LRRTM4: variants seen among roughly 807,000 people sequenced by gnomAD.
LRRTM4 encodes leucine rich repeat transmembrane neuronal 4.
Under a neutral mutation model 47.6 loss-of-function variants are expected in LRRTM4, and 25 were observed. The ratio of observed to expected loss-of-function variants is 0.53; its 90% CI spans 0.38 to 0.73. The LOEUF (loss-of-function observed/expected upper bound fraction) is 0.73, where lower values mean the gene tolerates loss of function less well. Ranked by LOEUF, LRRTM4 falls within the 30% of genes least tolerant of loss-of-function variation. The pLI is 0.00. For synonymous variants in LRRTM4, 311 were observed against 269.5 expected, an observed-to-expected ratio of 1.15 and a Z score of -1.51; for missense variants, 638 against 713.4, an observed-to-expected ratio of 0.89 and a Z score of 1.20.
intron 3 of LRRTM4, among the ~76,000 whole-genome samples, chr2:77,427,684 G>C (rs1180528949): frequency 6.6e-6 from 1 of 152,122 alleles, no homozygotes; most frequent in Admixed American, 6.5e-5. Context: ...CCATCAGCTG[G>C]CCATAGGGAA....
At chr2:77,312,026 G>A (rs1405397421) in intron 3 of LRRTM4, among the ~76,000 whole-genome samples, 1 of 152,016 alleles carries the variant, frequency 6.6e-6, no homozygotes, top group African/African-American at 2.4e-5. Context: ...CAATATTGGA[G>A]TGTTGATGAG....
chr2:76,929,481 G>A (rs1464875484), intron 3 of LRRTM4, among the ~76,000 whole-genome samples: 1 of 152,156 alleles, frequency 6.6e-6, no homozygotes, highest in Non-Finnish European at 1.5e-5. Flanking sequence ...GGTTCAAGAA[G>A]GAGTGTGAAC....
intron 3 of LRRTM4, among the ~76,000 whole-genome samples, chr2:76,962,598 CGTAT>C (rs1327403726): frequency 2.0e-5 from 3 of 149,684 alleles, no homozygotes; most frequent in African/African-American, 7.3e-5. Flanking sequence ...TTAAAACCCA[CGTAT>C]GTATTTATTT....
chr2:77,169,469 A>C (rs1488703931), intron 3 of LRRTM4, among the ~76,000 whole-genome samples: 1 of 152,084 alleles, frequency 6.6e-6, no homozygotes, highest in Non-Finnish European at 1.5e-5. Context: ...TTTATGTTGA[A>C]ATTTCATTGA....
At chr2:77,184,778 G>T (rs1389785650) in intron 3 of LRRTM4, among the ~76,000 whole-genome samples, 1 of 152,088 alleles carries the variant, frequency 6.6e-6, no homozygotes, top group Admixed American at 6.6e-5. Context: ...TAATCAGAAA[G>T]AACGTTCAAA....
At chr2:77,243,262 T>C (rs1169010074) in intron 3 of LRRTM4, among the ~76,000 whole-genome samples, 1 of 151,584 alleles carries the variant, frequency 6.6e-6, no homozygotes, top group Non-Finnish European at 1.5e-5. Flanking sequence ...AATACAAAAT[T>C]AGCCGGGTGT....
At chr2:77,018,992 A>G (rs57175018) in intron 3 of LRRTM4, among the ~76,000 whole-genome samples, 1,996 of 152,114 alleles carry the variant, frequency 0.013, 55 homozygotes, top group African/African-American at 0.046. Flanking sequence ...TTTCTAAAGA[A>G]AAAAAATGAA....
intron 3 of LRRTM4, among the ~76,000 whole-genome samples, chr2:77,172,388 A>G (rs1358738519): frequency 1.3e-5 from 2 of 152,112 alleles, no homozygotes; most frequent in African/African-American, 2.4e-5. Context: ...CGAGATCAGG[A>G]GTTCGAGACT....
chr2:76,895,220 T>C (rs1036927436), intron 3 of LRRTM4, among the ~76,000 whole-genome samples: 1 of 152,014 alleles, frequency 6.6e-6, no homozygotes, highest in Non-Finnish European at 1.5e-5. Flanking sequence ...TATACAAAAC[T>C]TGTGGAAGAC....
intron 3 of LRRTM4, among the ~76,000 whole-genome samples, chr2:76,791,262 GAGCACCTTACCATCCTCTA>G (rs1307484267): frequency 6.6e-6 from 1 of 152,188 alleles, no homozygotes; most frequent in African/African-American, 2.4e-5. Context: ...AGGCTTCACA[GAGCACCTTACCATCCTCTA>G]CTGAGATTAT....
chr2:77,434,397 G>A (rs1207693373), intron 3 of LRRTM4, among the ~76,000 whole-genome samples: 1 of 151,496 alleles, frequency 6.6e-6, no homozygotes, highest in East Asian at 1.9e-4. Context: ...AGTCAGAAAC[G>A]TACATGCAAC....
At chr2:76,953,968 A>C (rs1675581797) in intron 3 of LRRTM4, among the ~76,000 whole-genome samples, 1 of 151,854 alleles carries the variant, frequency 6.6e-6, no homozygotes, top group African/African-American at 2.4e-5. Context: ...CCTCCTGAGA[A>C]AGAAACTGAC....
chr2:76,758,895 C>T (rs893150254), intron 3 of LRRTM4, among the ~76,000 whole-genome samples: 1 of 152,162 alleles, frequency 6.6e-6, no homozygotes, highest in Non-Finnish European at 1.5e-5. Context: ...GTAACAACCA[C>T]TCAAGTCTGC....
chr2:77,087,739 C>A (rs1365608586), intron 3 of LRRTM4, among the ~76,000 whole-genome samples: 1 of 151,644 alleles, frequency 6.6e-6, no homozygotes. Flanking sequence ...GAAAATGATA[C>A]AAAGGTACAT....
Position 77,100,673 on chromosome 2 carries a change from T to C in LRRTM4, c.1552-351757A>G, listed in dbSNP as rs552627382. Among the ~76,000 whole-genome samples, 6 of 152,222 alleles carry C rather than the reference T, an allele frequency of 3.9e-5. No homozygotes were observed. In the South Asian group the frequency reaches 1.0e-3, roughly 26 times the overall value. ...ATAAATTAAATATTGGGAAAAATCATTGAGGCAATCAGGAAAAAAGAATAT... is the reference window on the plus strand; with the variant it reads ...ATAAATTAAATATTGGGAAAAATCACTGAGGCAATCAGGAAAAAAGAATAT... On this transcript the variant is annotated intron_variant, in intron 3 of 3. Coordinates refer to ENST00000409884, the MANE Select transcript of LRRTM4 (RefSeq NM_001134745.3).
chr2:76,776,957 A>G lies in LRRTM4; in HGVS notation c.1552-28041T>C, dbSNP rs1573083165. On this transcript the variant is annotated intron_variant, in intron 3 of 3. Coordinates refer to ENST00000409884, the MANE Select transcript of LRRTM4 (RefSeq NM_001134745.3). Reference sequence around the variant, plus strand: ...TGTATAAGGTGTAAGGAAGGGATCCAGTTTCAGCTTTCTACATATGGCTAG... The same window carrying G: ...TGTATAAGGTGTAAGGAAGGGATCCGGTTTCAGCTTTCTACATATGGCTAG... Among the ~76,000 whole-genome samples, 11 of 128,486 alleles carry G rather than the reference A, an allele frequency of 8.6e-5. 1 individual carries two copies. In the South Asian group the frequency reaches 1.2e-3, roughly 14 times the overall value. The allele number at this position is 128,486 out of a possible 152,430, so 84.3% of individuals were successfully genotyped here.
chr2:77,287,236 G>A (rs1334732016), intron 3 of LRRTM4, among the ~76,000 whole-genome samples: 2 of 151,956 alleles, frequency 1.3e-5, no homozygotes, highest in African/African-American at 2.4e-5. Flanking sequence ...TAGCACTTGT[G>A]TTTGGCTTGT....
chr2:76,913,883 G>A (rs959374308), intron 3 of LRRTM4, among the ~76,000 whole-genome samples: 65 of 152,116 alleles, frequency 4.3e-4, no homozygotes, highest in African/African-American at 1.5e-3. Flanking sequence ...ATTAGAAAAT[G>A]TATGAAATAA....
At chr2:77,011,727 C>G (rs781233467) in intron 3 of LRRTM4, among the ~76,000 whole-genome samples, 7 of 152,012 alleles carry the variant, frequency 4.6e-5, no homozygotes, top group South Asian at 2.1e-4. Context: ...GATGTTAACT[C>G]TTTATAGTTA....
Sources: gnomAD v4.1 joint callset for allele counts (sites outside exome capture counted in the v4.1 genomes callset) on GRCh38, gnomAD v4.1.1 for gene constraint, MANE v1.5 for transcripts, NCBI Gene and HGNC (gene_info 2026-07-23, HGNC 2026-07-21) for gene names.